The following SHLD1 variants were observed in gnomAD, a reference collection of about 807,000 sequenced individuals.
SHLD1 encodes shieldin complex subunit 1, also known as RINN1-REV7-interacting novel NHEJ regulator 3.
A neutral mutation model predicts 5.5 loss-of-function variants in SHLD1; 3 were observed. The ratio of observed to expected loss-of-function variants is 0.54; its 90% CI spans 0.25 to 1.40. The LOEUF is 1.40. SHLD1 is among the 40% of genes most tolerant of loss of function. The pLI is 0.15. For synonymous variants in SHLD1, 92 were observed against 94.3 expected (o/e 0.98, Z 0.14); for missense variants, 210 against 244.4 (o/e 0.86, Z 0.94).
At chr20:5,808,496 C>T (rs954606636) in intron 2 of SHLD1, among the ~76,000 whole-genome samples, 14 of 152,128 alleles carry the variant, frequency 9.2e-5, no homozygotes, top group African/African-American at 2.7e-4. Context: ...TTGCATCTTG[C>T]CCTTTTTTCA....
At chr20:5,770,659 T>C (rs1393647348) in intron 1 of SHLD1, among the ~76,000 whole-genome samples, 2 of 152,198 alleles carry the variant, frequency 1.3e-5, no homozygotes, top group Non-Finnish European at 2.9e-5. Flanking sequence ...AATTCATCCA[T>C]TGCAACTTGA....
intron 1 of SHLD1, among the ~76,000 whole-genome samples, chr20:5,770,004 CAAAAAA>C (rs113692130): frequency 1.8e-5 from 1 of 55,086 alleles, no homozygotes; most frequent in Non-Finnish European, 3.4e-5. Flanking sequence ...AACTCCTTCT[CAAAAAA>C]AAAAAAAAAA....
intron 2 of SHLD1, among the ~76,000 whole-genome samples, chr20:5,850,311 C>A (rs1197697590): frequency 1.3e-5 from 2 of 151,584 alleles, no homozygotes; most frequent in Admixed American, 6.6e-5. Context: ...GTCTAGCCCC[C>A]ACGCCCTCCA....
At chr20:5,832,570 T>TG (rs2087741273) in intron 2 of SHLD1, among the ~76,000 whole-genome samples, 1 of 152,174 alleles carries the variant, frequency 6.6e-6, no homozygotes, top group Admixed American at 6.5e-5. Context: ...CCTGAATAGC[T>TG]GGGACTATAG....
intron 1 of SHLD1, among the ~76,000 whole-genome samples, chr20:5,765,338 T>A (rs1984768648): frequency 6.6e-6 from 1 of 152,186 alleles, no homozygotes; most frequent in African/African-American, 2.4e-5. Context: ...CTCCGCCTCC[T>A]GGGTTCAAGT....
intron 2 of SHLD1, among the ~76,000 whole-genome samples, chr20:5,795,710 G>A (rs2087202504): frequency 6.6e-6 from 1 of 152,004 alleles, no homozygotes; most frequent in Admixed American, 6.6e-5. Context: ...GGCCGGGTGT[G>A]GTGGCTCATG....
intron 2 of SHLD1, among the ~76,000 whole-genome samples, chr20:5,846,126 A>G (rs996696392): frequency 3.3e-5 from 5 of 152,234 alleles, no homozygotes; most frequent in African/African-American, 9.6e-5. Flanking sequence ...GCAAATGTCA[A>G]CACTGAAACT....
At chr20:5,850,104 C>G (rs896087327) in intron 2 of SHLD1, among the ~76,000 whole-genome samples, 1 of 120,058 alleles carries the variant, frequency 8.3e-6, no homozygotes, top group Admixed American at 9.1e-5. Flanking sequence ...CACAGCAAGA[C>G]CCCGTCTCAA....
intron 2 of SHLD1, among the ~76,000 whole-genome samples, chr20:5,849,724 C>G (rs532315096): frequency 3.9e-5 from 6 of 151,948 alleles, no homozygotes; most frequent in Non-Finnish European, 8.8e-5. Flanking sequence ...CTTTGGGAGG[C>G]CGAGGCGGGT....
chr20:5,813,945 C>CTTTTTTTTTTTTTT (rs143110037), intron 2 of SHLD1, among the ~76,000 whole-genome samples: 1 of 79,974 alleles, frequency 1.3e-5, no homozygotes, highest in African/African-American at 4.7e-5. Context: ...CCTTTTCTTT[C>CTTTTTTTTTTTTTT]TTTTTTTTTT....
chr20:5,774,885 A>T (rs1985356254), intron 2 of SHLD1, among the ~76,000 whole-genome samples: 1 of 152,132 alleles, frequency 6.6e-6, no homozygotes, highest in South Asian at 2.1e-4. Context: ...TAGACTTAAC[A>T]TCTTAGTTCC....
At chr20:5,848,654 A>C (rs2087961597) in intron 2 of SHLD1, among the ~76,000 whole-genome samples, 1 of 152,206 alleles carries the variant, frequency 6.6e-6, no homozygotes, top group Non-Finnish European at 1.5e-5. Context: ...TGGATGTTAC[A>C]GTTCTCTGTT....
At chr20:5,861,314 T>C (rs1231611567) in intron 2 of SHLD1, among the ~76,000 whole-genome samples, 1 of 152,260 alleles carries the variant, frequency 6.6e-6, no homozygotes, top group Non-Finnish European at 1.5e-5. Flanking sequence ...CATCATTTCA[T>C]ATCTATGTAC....
At chr20:5,767,356 G>A (rs1242024591) in intron 1 of SHLD1, among the ~76,000 whole-genome samples, 1 of 151,958 alleles carries the variant, frequency 6.6e-6, no homozygotes, top group South Asian at 2.1e-4. Flanking sequence ...GCCCAGGCTG[G>A]TCTCAAATTC....
chr20:5,756,389 T>G (rs1984103832), intron 1 of SHLD1, among the ~76,000 whole-genome samples: 1 of 152,180 alleles, frequency 6.6e-6, no homozygotes, highest in South Asian at 2.1e-4. Flanking sequence ...ATTAAGTCTT[T>G]TGATCCACGA....
At chr20:5,839,430 T>C (rs2087828013) in intron 2 of SHLD1, among the ~76,000 whole-genome samples, 1 of 152,082 alleles carries the variant, frequency 6.6e-6, no homozygotes, top group Admixed American at 6.5e-5. Flanking sequence ...TATATCTGGG[T>C]CATAGAGAGA....
At chr20:5,840,914 C>CT (rs11481236) in intron 2 of SHLD1, among the ~76,000 whole-genome samples, 63,981 of 151,714 alleles carry the variant, frequency 0.42, 15,632 homozygotes, top group African/African-American at 0.67. Context: ...ATTGCTATTT[C>CT]TTTTTTTTAA....
intron 2 of SHLD1, among the ~76,000 whole-genome samples, chr20:5,851,814 CG>C (rs200886405): frequency 0.027 from 4,084 of 150,858 alleles, 192 homozygotes; most frequent in African/African-American, 0.094. Context: ...GGCCTGGTGG[CG>C]GGGGGGCATT....
chr20:5,762,139 C>G (rs1984502517), intron 1 of SHLD1, among the ~76,000 whole-genome samples: 1 of 151,412 alleles, frequency 6.6e-6, no homozygotes, highest in African/African-American at 2.4e-5. Context: ...GTAATCCCAG[C>G]TACTCGGGAG....
Sources: allele counts gnomAD v4.1 joint callset (sites outside exome capture counted in the v4.1 genomes callset), GRCh38; gene constraint gnomAD v4.1.1; transcripts MANE v1.5; gene names NCBI Gene and HGNC (gene_info 2026-07-23, HGNC 2026-07-21).